The following TNRC6B variants were observed in gnomAD, a reference collection of about 807,000 sequenced individuals.
TNRC6B encodes the protein trinucleotide repeat containing adaptor 6B, also known as trinucleotide repeat-containing gene 6B protein.
A neutral mutation model predicts 203.6 loss-of-function variants in TNRC6B; 52 were observed. The ratio of observed to expected loss-of-function variants is 0.26; its 90% CI spans 0.20 to 0.32. TNRC6B has a LOEUF of 0.32. Ranked by LOEUF, TNRC6B falls within the 10% of genes least tolerant of loss-of-function variation. TNRC6B has a pLI of 1.00. For synonymous variants in TNRC6B, 838 were observed against 845.7 expected (o/e 0.99, Z 0.16); for missense variants, 1,923 against 2,286.2 (o/e 0.84, Z 3.24).
rs761637797 is a variant in TNRC6B at position 40,266,811 on chromosome 22, G to A, written c.2581G>A (p.Gly861Arg). Reference sequence around the variant, plus strand: ...ACCTTCCAATTCCAGCTGGAGCAGCGGGCCACAGCCTGCAACACCTAAGGA... The same window carrying A: ...ACCTTCCAATTCCAGCTGGAGCAGCAGGCCACAGCCTGCAACACCTAAGGA... ...VRPSNSSWSSGPQPATPKDEE... is the reference protein window; with the variant it reads ...VRPSNSSWSSRPQPATPKDEE... The change falls in exon 5 of 23, where the codon GGG (glycine) becomes AGG (arginine). Residue 861 changes from glycine to arginine, a missense_variant. Around this residue, in one of 8 missense-constraint regions of TNRC6B, gnomAD observed 599 missense variants for 656.5 expected, o/e 0.91. Coordinates refer to ENST00000454349, the MANE Select transcript of TNRC6B (RefSeq NM_001162501.2). The A allele has an allele frequency of 4.1e-5, 66 of 1,613,628 alleles. No individual in the cohort carries two copies. Among genetic ancestry groups the A allele is most frequent in the Non-Finnish European group, 4.5e-5 (53 of 1,179,744 alleles).
At chr22:40,059,116 T>C (rs958743856) in intron 1 of TNRC6B, among the ~76,000 whole-genome samples, 1 of 152,224 alleles carries the variant, frequency 6.6e-6, no homozygotes, top group Non-Finnish European at 1.5e-5. Context: ...CTGTTTTCCA[T>C]ATTATTTTCT....
At chr22:40,185,148 G>A (rs191684178) in intron 1 of TNRC6B, among the ~76,000 whole-genome samples, 1 of 152,110 alleles carries the variant, frequency 6.6e-6, no homozygotes, top group African/African-American at 2.4e-5. Context: ...GTGCCACCAC[G>A]GCCAGCTAAT....
chr22:40,314,831 A>C (rs2071235287), intron 19 of TNRC6B, among the ~76,000 whole-genome samples: 1 of 152,244 alleles, frequency 6.6e-6, no homozygotes, highest in African/African-American at 2.4e-5. Context: ...GAACATCAAT[A>C]TCTAATAGAC....
rs1310035344 is a variant in TNRC6B, at chr22:40,329,691, T to C, written c.*6450T>C. On this transcript the variant is annotated 3_prime_UTR_variant, in exon 23 of 23. Coordinates refer to ENST00000454349, the MANE Select transcript of TNRC6B (RefSeq NM_001162501.2). The stretch of plus-strand genomic sequence containing the variant: ...CAGCTCAGCACCCACACTGCCCGCA[T>C]GCGTGTGGCCACCGGGACCAGATCC... 1 of 152,142 alleles carries C rather than the reference T, an allele frequency of 6.6e-6. No homozygotes were observed. Among genetic ancestry groups the C allele is most frequent in the Non-Finnish European group, 1.5e-5 (1 of 68,040 alleles). The allele number at this position is 152,142 out of a possible 1,614,324, so 9.4% of individuals were successfully genotyped here.
chr22:40,059,815 GTT>G (rs764365612), intron 1 of TNRC6B, among the ~76,000 whole-genome samples: 3,110 of 126,104 alleles, frequency 0.025, 120 homozygotes, highest in African/African-American at 0.086. Context: ...ATAGAGTTTG[GTT>G]TTTTTTTTTT....
chr22:40,166,922 G>A (rs913789903), intron 4 of TNRC6B, among the ~76,000 whole-genome samples: 14 of 151,216 alleles, frequency 9.3e-5, no homozygotes, highest in African/African-American at 3.4e-4. Context: ...AAAATTGTTA[G>A]CAATTTTGGG....
chr22:40,130,621 A>G (rs1157150481), intron 3 of TNRC6B, among the ~76,000 whole-genome samples: 1 of 151,096 alleles, frequency 6.6e-6, no homozygotes, highest in African/African-American at 2.4e-5. Flanking sequence ...CTCTACTAAA[A>G]ATGCAAAAAA....
chr22:40,081,972 GCAA>G (rs2068067130), intron 1 of TNRC6B, among the ~76,000 whole-genome samples: 1 of 151,836 alleles, frequency 6.6e-6, no homozygotes, highest in South Asian at 2.1e-4. Context: ...CCCATTCAAA[GCAA>G]CAACAACAAA....
intron 12 of TNRC6B, among the ~76,000 whole-genome samples, chr22:40,295,644 C>A (rs1441970758): frequency 1.3e-5 from 2 of 152,052 alleles, no homozygotes; most frequent in Non-Finnish European, 1.5e-5. Context: ...TTCTGATTAA[C>A]TTAGTTTATA....
At chr22:40,251,296 T>A in intron 3 of TNRC6B, 96 bp downstream of exon 3, 1 of 981,964 alleles carries the variant, frequency 1.0e-6, no homozygotes, top group South Asian at 1.7e-5. Flanking sequence ...GAAAAGAGAG[T>A]GGGCGTAGAG....
chr22:40,046,083 C>T (rs1309141590), intron 1 of TNRC6B, among the ~76,000 whole-genome samples: 1 of 152,136 alleles, frequency 6.6e-6, no homozygotes, highest in Non-Finnish European at 1.5e-5. Flanking sequence ...GTGCCCCCAC[C>T]AACAGTTAAG....
At position 40,321,248 on chromosome 22, in the gene TNRC6B, A is replaced by G; in HGVS notation, c.5114+19A>G. On this transcript the variant is annotated intron_variant, in intron 22 of 22. Coordinates refer to ENST00000454349, the MANE Select transcript of TNRC6B (RefSeq NM_001162501.2). ...TGCACATGTGAGTATTCGGTCCTAC[A>G]CCCACGTAGACAAACATGCATGAAG... The G allele has an allele frequency of 6.2e-7, 1 of 1,609,814 alleles. No homozygotes were observed. The highest frequency in any genetic ancestry group is 8.5e-7 in the Non-Finnish European group (1 of 1,177,196).
intron 1 of TNRC6B, among the ~76,000 whole-genome samples, chr22:40,199,032 G>C (rs1394756522): frequency 6.6e-6 from 1 of 152,056 alleles, no homozygotes; most frequent in African/African-American, 2.4e-5. Flanking sequence ...TCTTGGGTTA[G>C]AAAGCAAAGA....
chr22:40,106,896 A>G lies in TNRC6B; in HGVS notation c.-120-10159A>G, dbSNP rs987495345. On this transcript the variant is annotated intron_variant, in intron 1 of 23. Coordinates refer to the TNRC6B transcript ENST00000301923. ...TCCATCTGCCTATGTTCCTTGTGACAGTGCTTCGCTTTTTCATGGATAAAC... is the reference window on the plus strand; with the variant it reads ...TCCATCTGCCTATGTTCCTTGTGACGGTGCTTCGCTTTTTCATGGATAAAC... The G allele has an allele frequency of 1.9e-5, 18 of 969,702 alleles. No homozygotes were observed. The African/African-American group carries it at 2.7e-4, about 15-fold the overall frequency. 60.1% of individuals were successfully genotyped at this position (969,702 alleles called of 1,614,324 possible).
At chr22:40,106,075 T>G (rs1363429869) in intron 1 of TNRC6B, among the ~76,000 whole-genome samples, 1 of 152,010 alleles carries the variant, frequency 6.6e-6, no homozygotes, top group Non-Finnish European at 1.5e-5. Flanking sequence ...ATAATTTTGG[T>G]TTTTTTGTCA....
At chr22:40,281,411 T>A in intron 11 of TNRC6B, 122 bp downstream of exon 11, 1 of 763,046 alleles carries the variant, frequency 1.3e-6, no homozygotes, top group South Asian at 3.1e-5. Flanking sequence ...CACAGAATGA[T>A]ATTAAGTGTA....
chr22:40,319,511 C>T (rs2071307097), intron 21 of TNRC6B, among the ~76,000 whole-genome samples: 3 of 151,292 alleles, frequency 2.0e-5, no homozygotes, highest in Non-Finnish European at 2.9e-5. Context: ...CTGCAAGCTC[C>T]GCCTCCCGGG....
intron 12 of TNRC6B, among the ~76,000 whole-genome samples, chr22:40,296,118 G>A (rs746000964): frequency 4.6e-5 from 7 of 152,044 alleles, no homozygotes; most frequent in African/African-American, 1.7e-4. Context: ...GAGAACGTGC[G>A]TACTTCCTAA....
intron 12 of TNRC6B, among the ~76,000 whole-genome samples, chr22:40,296,554 G>A (rs554237589): frequency 3.3e-5 from 5 of 151,496 alleles, no homozygotes; most frequent in Admixed American, 6.6e-5. Flanking sequence ...GGATGGTTGC[G>A]ATCTCCTCAC....
Sources: gnomAD v4.1 joint callset for allele counts (sites outside exome capture counted in the v4.1 genomes callset) on GRCh38, gnomAD v4.1.1 for gene constraint, gnomAD v4.1.1 regional missense constraint, MANE v1.5 for transcripts, NCBI Gene and HGNC (gene_info 2026-07-23, HGNC 2026-07-21) for gene names.